Variants in PHF20 observed in about 807,000 individuals in gnomAD.
PHF20 encodes PHD finger protein 20.
PHF20 carries 23 observed loss-of-function variants against 113.5 expected under a neutral mutation model. The ratio of observed to expected loss-of-function variants is 0.20; its 90% CI spans 0.15 to 0.29. The LOEUF is 0.29. PHF20 is among the 10% of genes least tolerant of loss of function. PHF20 has a pLI of 1.00. For synonymous variants in PHF20, 434 were observed against 457.3 expected (o/e 0.95, Z 0.65); for missense variants, 943 against 1,219.6 (o/e 0.77, Z 3.38).
chr20:35,847,956 T>A (rs2042652499), intron 4 of PHF20, among the ~76,000 whole-genome samples: 1 of 152,158 alleles, frequency 6.6e-6, no homozygotes, highest in Non-Finnish European at 1.5e-5. Flanking sequence ...ACTTGACTAA[T>A]AGAGGCTCAA....
chr20:35,866,600 TGGCAGAAATCTGACATGTCCTTA>T (rs1017710922), intron 6 of PHF20, among the ~76,000 whole-genome samples: 8 of 152,210 alleles, frequency 5.3e-5, no homozygotes, highest in Admixed American at 6.5e-5. Flanking sequence ...AAATGTAAAC[TGGCAGAAATCTGACATGTCCTTA>T]GGCAGAAATC....
chr20:35,883,212 C>A (rs2054666591), intron 9 of PHF20, among the ~76,000 whole-genome samples: 1 of 152,018 alleles, frequency 6.6e-6, no homozygotes, highest in African/African-American at 2.4e-5. Flanking sequence ...GAGACCCTGT[C>A]TCTGGAAAAA....
At position 35,886,241 on chromosome 20, in the gene PHF20, T is replaced by C. The variant is rs113343470; in HGVS notation, c.1283-13129T>C. On this transcript the variant is annotated intron_variant, in intron 9 of 17. Coordinates refer to ENST00000374012, the MANE Select transcript of PHF20 (RefSeq NM_016436.5). ...GCAACCTCCGCCTCCTGGGTTCAAG[T>C]GATTCTCCTGCCTCAGCCTCCCAAA... Among the ~76,000 whole-genome samples the C allele has an allele frequency of 5.4e-3, 814 of 151,308 alleles. 6 individuals carry two copies. Among genetic ancestry groups the C allele is most frequent in the African/African-American group, 0.019 (767 of 41,234 alleles).
In PHF20 at chr20:35,858,426, A is replaced by G. The variant is rs774688335; in HGVS notation, c.420+45A>G. The G allele has an allele frequency of 5.8e-6, 6 of 1,040,128 alleles. No homozygotes were observed. The South Asian group carries it at 8.6e-5, about 15-fold the overall frequency. The allele number at this position is 1,040,128 out of a possible 1,614,324, so 64.4% of individuals were successfully genotyped here. On this transcript the variant is annotated intron_variant, in intron 5 of 17. Transcript: ENST00000374012. ...GCTTTGTGTTATGAATAATGCTAACATTGTAGTTTTGTTTCCTCAAATAAA... is the reference window on the plus strand; with the variant it reads ...GCTTTGTGTTATGAATAATGCTAACGTTGTAGTTTTGTTTCCTCAAATAAA...
chr20:35,781,848 A>G (rs2041304202), intron 1 of PHF20, among the ~76,000 whole-genome samples: 1 of 152,282 alleles, frequency 6.6e-6, no homozygotes, highest in Non-Finnish European at 1.5e-5. Context: ...GGGAGCCTGA[A>G]GCAGGAGAAC....
At chr20:35,888,527 C>T (rs1198037238) in intron 9 of PHF20, among the ~76,000 whole-genome samples, 1 of 152,160 alleles carries the variant, frequency 6.6e-6, no homozygotes, top group Non-Finnish European at 1.5e-5. Flanking sequence ...TTTCATACTG[C>T]TTTTAAAAGA....
chr20:35,932,351 G>A (rs1047296805), intron 15 of PHF20, among the ~76,000 whole-genome samples: 1 of 150,864 alleles, frequency 6.6e-6, no homozygotes, highest in Non-Finnish European at 1.5e-5. Flanking sequence ...TTACAGGCAC[G>A]AGCCACTGTA....
At chr20:35,939,396 A>C (rs919611616) in intron 16 of PHF20, among the ~76,000 whole-genome samples, 1 of 152,114 alleles carries the variant, frequency 6.6e-6, no homozygotes, top group African/African-American at 2.4e-5. Context: ...GCAAGGAGAT[A>C]TGGATTAGCA....
intron 2 of PHF20, among the ~76,000 whole-genome samples, chr20:35,822,942 G>C (rs1317348295): frequency 6.7e-6 from 1 of 149,978 alleles, no homozygotes; most frequent in African/African-American, 2.5e-5. Flanking sequence ...TCCTGCACCA[G>C]AGTGGTACAT....
chr20:35,847,370 G>A lies in PHF20; in HGVS notation c.276G>A (p.Gln92=). The A allele has an allele frequency of 1.2e-6, 2 of 1,609,604 alleles. No homozygotes were observed. The highest frequency in any genetic ancestry group is 8.5e-7 in the Non-Finnish European group (1 of 1,177,136). ...TTTAGGAATTTCAAATAAATGAGCA[G>A]GTCCTTGCTTGCTGGTCTGATTGTC... ...DGSSEFQINE[Q]VLACWSDCRF... is the part of the protein sequence containing the mutation. Residue 92 remains glutamine (Q), a synonymous_variant, in exon 4 of 18, where the codon CAG becomes CAA. Transcript: ENST00000374012.
chr20:35,793,290 CCTTT>C (rs1381096070), intron 1 of PHF20, among the ~76,000 whole-genome samples: 2 of 151,498 alleles, frequency 1.3e-5, no homozygotes, highest in African/African-American at 4.8e-5. Flanking sequence ...CTCAGAGAGT[CCTTT>C]CTTTTTCTTT....
chr20:35,843,769 G>A (rs975207423), intron 3 of PHF20, among the ~76,000 whole-genome samples: 3 of 152,060 alleles, frequency 2.0e-5, no homozygotes, highest in African/African-American at 4.8e-5. Flanking sequence ...TATAGAGACA[G>A]TGTCTCGTAT....
At chr20:35,773,065 G>A (rs941289861) in intron 1 of PHF20, among the ~76,000 whole-genome samples, 1 of 152,048 alleles carries the variant, frequency 6.6e-6, no homozygotes, top group Admixed American at 6.6e-5. Context: ...CACTTTTCAC[G>A]TGTTCCCCAA....
chr20:35,852,677 C>T (rs1388305505), intron 4 of PHF20, among the ~76,000 whole-genome samples: 2 of 151,442 alleles, frequency 1.3e-5, no homozygotes, highest in African/African-American at 2.4e-5. Flanking sequence ...CAGCTCACTG[C>T]AACCTCCGCC....
intron 2 of PHF20, among the ~76,000 whole-genome samples, chr20:35,829,416 G>A (rs1383269548): frequency 1.3e-5 from 2 of 151,916 alleles, no homozygotes; most frequent in Admixed American, 6.6e-5. Context: ...GCAGTGGTGC[G>A]ATCTCAGCTC....
intron 9 of PHF20, among the ~76,000 whole-genome samples, chr20:35,886,340 G>T (rs1038885849): frequency 6.6e-6 from 1 of 151,590 alleles, no homozygotes; most frequent in African/African-American, 2.4e-5. Flanking sequence ...GGTCCAGGCT[G>T]GTCTTGAACT....
chr20:35,902,568 G>A (rs1215338564), intron 10 of PHF20, among the ~76,000 whole-genome samples: 1 of 152,196 alleles, frequency 6.6e-6, no homozygotes, highest in East Asian at 1.9e-4. Flanking sequence ...ATGCACCTGA[G>A]CGTGGGGCAG....
chr20:35,823,585 C>T (rs1284476821), intron 2 of PHF20, among the ~76,000 whole-genome samples: 2 of 146,518 alleles, frequency 1.4e-5, no homozygotes, highest in East Asian at 2.0e-4. Context: ...TGTGATTGTA[C>T]CGCTGCACTC....
chr20:35,903,611 T>C (rs2055144833), intron 10 of PHF20, among the ~76,000 whole-genome samples: 1 of 152,154 alleles, frequency 6.6e-6, no homozygotes, highest in South Asian at 2.1e-4. Context: ...ATTACCCAAA[T>C]GTATCTCCCA....
Sources: gnomAD v4.1 joint callset for allele counts (sites outside exome capture counted in the v4.1 genomes callset) on GRCh38, gnomAD v4.1.1 for gene constraint, MANE v1.5 for transcripts, NCBI Gene and HGNC (gene_info 2026-07-23, HGNC 2026-07-21) for gene names.